Variants in ROR1 observed in about 807,000 individuals in gnomAD.
ROR1 encodes ROR family WNT receptor 1, also known as inactive tyrosine-protein kinase transmembrane receptor ROR1.
A neutral mutation model predicts 78.8 loss-of-function variants in ROR1; 19 were observed. The observed-to-expected ratio is 0.24, with a 90% CI of 0.17 to 0.35. ROR1 has a LOEUF of 0.35. Among genes scored for constraint, ROR1 ranks in the 10% least tolerant of loss-of-function variants. ROR1 has a pLI of 1.00. For synonymous variants in ROR1, 386 were observed against 433.6 expected, an observed-to-expected ratio of 0.89 and a Z score of 1.36; for missense variants, 917 against 1,177.8, an observed-to-expected ratio of 0.78 and a Z score of 3.24.
chr1:63,963,322 C>G (rs1042942632), intron 1 of ROR1, among the ~76,000 whole-genome samples: 2 of 150,828 alleles, frequency 1.3e-5, no homozygotes, highest in East Asian at 1.9e-4. Flanking sequence ...AATCCCAACA[C>G]TTTAGGAGGC....
At chr1:63,929,696 T>C (rs1021993402) in intron 1 of ROR1, among the ~76,000 whole-genome samples, 8 of 152,238 alleles carry the variant, frequency 5.3e-5, no homozygotes, top group Non-Finnish European at 1.2e-4. Context: ...TGAAAAGCAG[T>C]TCTTATTCCT....
At chr1:64,071,560 C>G (rs898810870) in intron 4 of ROR1, among the ~76,000 whole-genome samples, 2 of 152,064 alleles carry the variant, frequency 1.3e-5, no homozygotes, top group South Asian at 2.1e-4. Context: ...GGTCCACTCC[C>G]CCCCGCCCCA....
chr1:64,037,716 G>A (rs1646713785), intron 2 of ROR1, among the ~76,000 whole-genome samples: 1 of 152,148 alleles, frequency 6.6e-6, no homozygotes, highest in Admixed American at 6.5e-5. Flanking sequence ...CAATCCTGCT[G>A]GAGGAGGAAC....
intron 1 of ROR1, among the ~76,000 whole-genome samples, chr1:63,861,313 G>A (rs542444445): frequency 1.3e-5 from 2 of 152,160 alleles, no homozygotes. Context: ...TCTTGAGTTT[G>A]GGGAGAAATA....
At chr1:63,939,312 T>A (rs1645817951) in intron 1 of ROR1, among the ~76,000 whole-genome samples, 1 of 152,158 alleles carries the variant, frequency 6.6e-6, no homozygotes, top group Admixed American at 6.5e-5. Flanking sequence ...CGAGAGCATA[T>A]TTTGAGGGTC....
chr1:63,857,685 T>A (rs941483683), intron 1 of ROR1, among the ~76,000 whole-genome samples: 13 of 152,222 alleles, frequency 8.5e-5, no homozygotes, highest in Non-Finnish European at 1.3e-4. Flanking sequence ...CAATTGACAG[T>A]GGATATGTGC....
chr1:63,966,024 T>C (rs896933902), intron 1 of ROR1, among the ~76,000 whole-genome samples: 1 of 152,204 alleles, frequency 6.6e-6, no homozygotes, highest in East Asian at 1.9e-4. Flanking sequence ...TGTAGGATTG[T>C]TATGAGGATT....
At chr1:64,047,064 T>G (rs2100588211) in intron 2 of ROR1, among the ~76,000 whole-genome samples, 1 of 152,288 alleles carries the variant, frequency 6.6e-6, no homozygotes, top group Non-Finnish European at 1.5e-5. Context: ...AGGCCATTAG[T>G]GATGGAAGCT....
intron 1 of ROR1, among the ~76,000 whole-genome samples, chr1:63,796,082 A>G (rs541052167): frequency 1.3e-5 from 2 of 152,218 alleles, no homozygotes; most frequent in African/African-American, 4.8e-5. Flanking sequence ...CTTGTCCTGT[A>G]TGTATGTGCA....
At chr1:63,998,888 G>C (rs1646360794) in intron 1 of ROR1, among the ~76,000 whole-genome samples, 1 of 151,962 alleles carries the variant, frequency 6.6e-6, no homozygotes, top group Non-Finnish European at 1.5e-5. Flanking sequence ...GGTTTCCCCT[G>C]TACTGTTCTT....
chr1:63,809,554 T>G (rs956724386), intron 1 of ROR1, among the ~76,000 whole-genome samples: 1 of 152,178 alleles, frequency 6.6e-6, no homozygotes, highest in Non-Finnish European at 1.5e-5. Context: ...AAGTCTAGAG[T>G]TGAAGCATTG....
At chr1:64,014,721 A>ATATATATATATATATATGTATG (rs200268487) in intron 2 of ROR1, among the ~76,000 whole-genome samples, 1 of 55,328 alleles carries the variant, frequency 1.8e-5, no homozygotes, top group Non-Finnish European at 3.5e-5. Context: ...GACTATATAT[A>ATATATATATATATATATGTATG]TATATACACA....
chr1:64,003,857 A>G (rs891038472), intron 1 of ROR1, among the ~76,000 whole-genome samples: 1 of 152,256 alleles, frequency 6.6e-6, no homozygotes, highest in Admixed American at 6.5e-5. Context: ...ACCAAACAAC[A>G]TCTAAAGTAA....
At chr1:63,861,314 G>A (rs563203593) in intron 1 of ROR1, among the ~76,000 whole-genome samples, 4 of 152,136 alleles carry the variant, frequency 2.6e-5, no homozygotes, top group Non-Finnish European at 5.9e-5. Context: ...CTTGAGTTTG[G>A]GGAGAAATAA....
chr1:64,046,311 T>G (rs924118018), intron 2 of ROR1, among the ~76,000 whole-genome samples: 29 of 152,194 alleles, frequency 1.9e-4, no homozygotes, highest in African/African-American at 6.8e-4. Context: ...GCTTACTAAG[T>G]AAGCAGCTAC....
chr1:64,075,274 A>G (rs116085318), intron 4 of ROR1, among the ~76,000 whole-genome samples: 2,235 of 152,326 alleles, frequency 0.015, 60 homozygotes, highest in African/African-American at 0.052. Context: ...AAATGTACAT[A>G]TAACTTCACT....
At chr1:63,784,364 C>T (rs897946498) in intron 1 of ROR1, among the ~76,000 whole-genome samples, 3 of 152,254 alleles carry the variant, frequency 2.0e-5, no homozygotes, top group African/African-American at 7.2e-5. Context: ...GAATTTGTGC[C>T]TCTAATATAC....
chr1:64,001,746 C>T lies in ROR1; in HGVS notation c.92-7559C>T, dbSNP rs114427839. Among the ~76,000 whole-genome samples, 779 of 152,220 alleles carry T rather than the reference C, an allele frequency of 5.1e-3. 8 individuals are homozygous for T. Among genetic ancestry groups the T allele is most frequent in the African/African-American group, 0.017 (720 of 41,532 alleles). Reference sequence around the variant, plus strand: ...CCCAGGCTCTAGTAAAGACTTTAGGCAGGGAGCTCAGATTTCGCTCTGGCC... The same window carrying T: ...CCCAGGCTCTAGTAAAGACTTTAGGTAGGGAGCTCAGATTTCGCTCTGGCC... On this transcript the variant is annotated intron_variant, in intron 1 of 8. Coordinates refer to ENST00000371079, the MANE Select transcript of ROR1 (RefSeq NM_005012.4).
At chr1:64,007,881 A>G (rs1360981913) in intron 1 of ROR1, among the ~76,000 whole-genome samples, 2 of 151,252 alleles carry the variant, frequency 1.3e-5, no homozygotes, top group Non-Finnish European at 2.9e-5. Context: ...ATGTTTGATT[A>G]TGTGTGGTCA....
Sources: gnomAD v4.1 joint callset for allele counts (sites outside exome capture counted in the v4.1 genomes callset) on GRCh38, gnomAD v4.1.1 for gene constraint, MANE v1.5 for transcripts, NCBI Gene and HGNC (gene_info 2026-07-23, HGNC 2026-07-21) for gene names.